ARHGEF4: variants seen among roughly 807,000 people sequenced by gnomAD.
ARHGEF4 encodes Rho guanine nucleotide exchange factor 4, also known as APC-stimulated guanine nucleotide exchange factor 1.
ARHGEF4 carries 119 observed loss-of-function variants against 162.0 expected under a neutral mutation model. The ratio of observed to expected loss-of-function variants is 0.73; its 90% CI spans 0.63 to 0.86. The LOEUF (loss-of-function observed/expected upper bound fraction) is 0.86. Ranked by LOEUF, ARHGEF4 falls within the 40% of genes least tolerant of loss-of-function variation. ARHGEF4 has a pLI of 0.00. For synonymous variants in ARHGEF4, 1,014 were observed against 979.9 expected, an observed-to-expected ratio of 1.03 and a Z score of -0.65; for missense variants, 2,488 against 2,456.0, an observed-to-expected ratio of 1.01 and a Z score of -0.28.
chr2:131,038,384 T>C (rs1235670842), intron 5 of ARHGEF4, among the ~76,000 whole-genome samples: 1 of 120,836 alleles, frequency 8.3e-6, no homozygotes, highest in Non-Finnish European at 1.7e-5. Context: ...AGCCTCTCCC[T>C]CCTGCAGCCT....
chr2:130,878,096 C>T (rs957649533), intron 1 of ARHGEF4, among the ~76,000 whole-genome samples: 1 of 152,108 alleles, frequency 6.6e-6, no homozygotes, highest in Non-Finnish European at 1.5e-5. Flanking sequence ...CCTTTACTTT[C>T]CTTAAAAGAT....
At chr2:130,864,642 G>T (rs12464519) in intron 1 of ARHGEF4, among the ~76,000 whole-genome samples, 40,595 of 151,958 alleles carry the variant, frequency 0.27, 7,335 homozygotes, top group African/African-American at 0.49. Flanking sequence ...GACAATTGCT[G>T]GAACCCAGGA....
intron 4 of ARHGEF4, among the ~76,000 whole-genome samples, chr2:130,948,405 C>A (rs1486264070): frequency 6.6e-6 from 1 of 152,210 alleles, no homozygotes; most frequent in Non-Finnish European, 1.5e-5. Context: ...TTCCCAATTT[C>A]TTGCATGAGC....
chr2:130,952,008 C>A (rs1004997169), intron 4 of ARHGEF4, among the ~76,000 whole-genome samples: 3 of 152,040 alleles, frequency 2.0e-5, no homozygotes, highest in Non-Finnish European at 4.4e-5. Flanking sequence ...ATATTATATG[C>A]TCAATAATAC....
At chr2:130,926,718 A>G (rs1241014549) in intron 2 of ARHGEF4, among the ~76,000 whole-genome samples, 1 of 151,626 alleles carries the variant, frequency 6.6e-6, no homozygotes, top group Non-Finnish European at 1.5e-5. Flanking sequence ...TTGGTGTAAG[A>G]GTTAAAGAAA....
intron 1 of ARHGEF4, among the ~76,000 whole-genome samples, chr2:130,884,919 G>A (rs1397100227): frequency 6.6e-6 from 1 of 152,112 alleles, no homozygotes; most frequent in Non-Finnish European, 1.5e-5. Flanking sequence ...GGCCCCTCCA[G>A]CTTCTTCATC....
chr2:130,989,546 A>G (rs1363422926), intron 4 of ARHGEF4, among the ~76,000 whole-genome samples: 5 of 152,264 alleles, frequency 3.3e-5, no homozygotes, highest in African/African-American at 1.2e-4. Flanking sequence ...TTTGAAAAGA[A>G]AAAAGAACAA....
At position 130,841,126 on chromosome 2, in the gene ARHGEF4, G is replaced by A. The variant is rs569237484; in HGVS notation, c.39+4134G>A. 9.9e-5 allele frequency among the ~76,000 whole-genome samples: 15 copies of A among 152,206 alleles called. 1 individual carries two copies. The highest frequency in any genetic ancestry group is 2.1e-4 in the South Asian group (1 of 4,820). ...GTCACCCAGGCTGGAATGCAGTGGC[G>A]CGATTTCAGCTCACTGCAACCTCCG... On this transcript the variant is annotated intron_variant, in intron 1 of 13. Transcript: ENST00000409359.
intron 1 of ARHGEF4, among the ~76,000 whole-genome samples, chr2:130,859,263 C>T (rs1480973981): frequency 3.2e-4 from 5 of 15,466 alleles, no homozygotes; most frequent in African/African-American, 6.1e-4. Context: ...TGATGGCATG[C>T]ACCTGTAATC....
intron 1 of ARHGEF4, among the ~76,000 whole-genome samples, chr2:130,882,485 G>A (rs541796973): frequency 1.3e-5 from 2 of 152,056 alleles, no homozygotes; most frequent in Non-Finnish European, 1.5e-5. Context: ...GTGGCTTTTT[G>A]CATAAAGGCA....
rs369911547 is a variant in ARHGEF4 at position 130,866,237 on chromosome 2, T to C, written c.39+29245T>C. ...CAAAAAAAAATTTGTTTTAATAAAA[T>C]AGCTAGGTGTGGTGGCATGCATCTG... is the stretch of plus-strand genomic sequence containing the variant. On this transcript the variant is annotated intron_variant, in intron 1 of 13. Coordinates refer to ENST00000409359, the MANE Select transcript of ARHGEF4 (RefSeq NM_001367493.1). Among the ~76,000 whole-genome samples the C allele has an allele frequency of 6.6e-5, 10 of 152,096 alleles. No individual in the cohort carries two copies. The South Asian group carries it at 1.9e-3, about 28-fold the overall frequency.
Position 130,914,805 on chromosome 2 carries a change from C to A in ARHGEF4, c.859C>A (p.Gln287Lys). Reference sequence around the variant, plus strand: ...AGGGGACACAGAATTGCTCTGGTCCCAGCCCCACTCGGATGTCCCCTGCCA... The same window carrying A: ...AGGGGACACAGAATTGCTCTGGTCCAAGCCCCACTCGGATGTCCCCTGCCA... ...PAGDTELLWS[Q>K]PHSDVPCQPP... Residue 287 changes from glutamine to lysine, a missense_variant, in exon 2 of 14, where the codon CAG (glutamine) becomes AAG (lysine). Gln to Lys is a moderately conservative substitution (Grantham distance 53, BLOSUM62 1). Transcript: ENST00000409359. The A allele has an allele frequency of 6.9e-7, 1 of 1,448,432 alleles. No homozygotes were observed. The highest frequency in any genetic ancestry group is 1.5e-5 in the South Asian group (1 of 67,976). The allele number at this position is 1,448,432 out of a possible 1,614,324, so 89.7% of individuals were successfully genotyped here. A position where few individuals can be genotyped will look rare whatever the true frequency, so the allele number is the denominator to read the frequency against.
intron 1 of ARHGEF4, among the ~76,000 whole-genome samples, chr2:130,890,108 C>G (rs920344860): frequency 2.6e-5 from 4 of 152,170 alleles, no homozygotes; most frequent in African/African-American, 9.7e-5. Context: ...ATTTGTTGGA[C>G]TTAAAAATAT....
At chr2:131,029,807 G>A (rs747579618) in intron 5 of ARHGEF4, among the ~76,000 whole-genome samples, 1 of 152,192 alleles carries the variant, frequency 6.6e-6, no homozygotes, top group African/African-American at 2.4e-5. Flanking sequence ...GCCCGCCTCA[G>A]CCTCCCAAAG....
chr2:130,903,048 AG>A (rs539648870), intron 1 of ARHGEF4, among the ~76,000 whole-genome samples: 74 of 150,374 alleles, frequency 4.9e-4, no homozygotes, highest in African/African-American at 1.7e-3. Context: ...TCATTCATCG[AG>A]GTTTTTTTAT....
chr2:130,906,149 C>T (rs1384352298), intron 1 of ARHGEF4, among the ~76,000 whole-genome samples: 2 of 152,158 alleles, frequency 1.3e-5, no homozygotes, highest in East Asian at 3.8e-4. Context: ...ACAATGTGCT[C>T]CAGGTTCACC....
intron 5 of ARHGEF4, among the ~76,000 whole-genome samples, chr2:131,030,915 G>A (rs1449782509): frequency 6.6e-6 from 1 of 152,236 alleles, no homozygotes; most frequent in Non-Finnish European, 1.5e-5. Flanking sequence ...CCTGCGACAG[G>A]CCAGTTCCCG....
chr2:131,032,865 T>C (rs1235072586), intron 5 of ARHGEF4, among the ~76,000 whole-genome samples: 2 of 145,004 alleles, frequency 1.4e-5, no homozygotes, highest in Non-Finnish European at 1.5e-5. Flanking sequence ...TTTTTTTTTT[T>C]TTTTTGAGAC....
intron 1 of ARHGEF4, among the ~76,000 whole-genome samples, chr2:130,852,617 G>A (rs1199727449): frequency 1.3e-5 from 2 of 152,210 alleles, no homozygotes; most frequent in East Asian, 1.9e-4. Context: ...AAGGTGGGAC[G>A]CCCTGCACGG....
Sources: gnomAD v4.1 joint callset for allele counts (sites outside exome capture counted in the v4.1 genomes callset) on GRCh38, gnomAD v4.1.1 for gene constraint, MANE v1.5 for transcripts, NCBI Gene and HGNC (gene_info 2026-07-23, HGNC 2026-07-21) for gene names.